The following LMX1B variants were observed in gnomAD, a reference collection of about 807,000 sequenced individuals.
LMX1B encodes LIM homeobox transcription factor 1-beta.
A neutral mutation model predicts 51.4 loss-of-function variants in LMX1B; 12 were observed. The ratio of observed to expected loss-of-function variants is 0.23; its 90% CI spans 0.15 to 0.38. The LOEUF is 0.38. Among genes scored for constraint, LMX1B ranks in the 10% least tolerant of loss-of-function variants. The pLI, the probability that LMX1B is intolerant of heterozygous loss-of-function variation, is 1.00. For missense variants in LMX1B, 445 were observed against 571.1 expected (o/e 0.78, Z 2.25); for synonymous variants, 237 against 235.4 (o/e 1.01, Z -0.06).
chr9:126,624,301 G>A (rs1835478181), intron 2 of LMX1B, among the ~76,000 whole-genome samples: 1 of 152,196 alleles, frequency 6.6e-6, no homozygotes, highest in Non-Finnish European at 1.5e-5. Context: ...AAGAGCCAGT[G>A]ATTCTCCTTG....
intron 2 of LMX1B, among the ~76,000 whole-genome samples, chr9:126,619,264 C>T (rs1165144399): frequency 6.6e-6 from 1 of 152,216 alleles, no homozygotes; most frequent in Non-Finnish European, 1.5e-5. Flanking sequence ...GAAAGACCTT[C>T]TTGGGAGGCT....
intron 2 of LMX1B, among the ~76,000 whole-genome samples, chr9:126,687,922 C>T (rs1334074185): frequency 2.0e-5 from 3 of 152,028 alleles, no homozygotes; most frequent in Non-Finnish European, 4.4e-5. Flanking sequence ...CCGCTGGTAT[C>T]CCCAACCCCT....
At chr9:126,686,137 G>A (rs926865985) in intron 2 of LMX1B, among the ~76,000 whole-genome samples, 21 of 152,054 alleles carry the variant, frequency 1.4e-4, no homozygotes, top group Admixed American at 1.3e-3. Context: ...AAAATTAGCC[G>A]GGCGTGGTGG....
intron 2 of LMX1B, among the ~76,000 whole-genome samples, chr9:126,645,063 C>T (rs750233150): frequency 1.1e-4 from 16 of 152,212 alleles, no homozygotes; most frequent in African/African-American, 2.9e-4. Flanking sequence ...CGTCCTGCCA[C>T]GCTGTGTTGT....
intron 2 of LMX1B, among the ~76,000 whole-genome samples, chr9:126,668,488 C>G (rs1231122620): frequency 8.0e-6 from 1 of 125,328 alleles, no homozygotes; most frequent in Admixed American, 7.5e-5. Flanking sequence ...GAGTCTCGCT[C>G]TGTCGCCCAG....
intron 2 of LMX1B, among the ~76,000 whole-genome samples, chr9:126,681,371 G>A (rs78034220): frequency 2.6e-5 from 4 of 152,194 alleles, no homozygotes; most frequent in African/African-American, 7.2e-5. Flanking sequence ...CCCCACAGAC[G>A]CCATGTCCTC....
intron 2 of LMX1B, among the ~76,000 whole-genome samples, chr9:126,679,522 G>A (rs1272249513): frequency 6.6e-6 from 1 of 152,062 alleles, no homozygotes; most frequent in Non-Finnish European, 1.5e-5. Context: ...GGGGACAGGT[G>A]GATAGATGGG....
At chr9:126,653,370 G>A (rs1327970750) in intron 2 of LMX1B, among the ~76,000 whole-genome samples, 3 of 151,798 alleles carry the variant, frequency 2.0e-5, no homozygotes, top group African/African-American at 7.3e-5. Flanking sequence ...TGCTCAACCT[G>A]GTCTCCAACT....
At chr9:126,617,317 C>T (rs993230957) in intron 2 of LMX1B, among the ~76,000 whole-genome samples, 2 of 151,880 alleles carry the variant, frequency 1.3e-5, no homozygotes, top group Non-Finnish European at 2.9e-5. Context: ...CAGCCACCAG[C>T]CTTTACGACA....
chr9:126,673,901 T>C lies in LMX1B; in HGVS notation c.327-16935T>C, dbSNP rs1204359323. Among the ~76,000 whole-genome samples, 1 of 152,172 alleles carries C rather than the reference T, an allele frequency of 6.6e-6. No homozygotes were observed. The highest frequency in any genetic ancestry group is 1.5e-5 in the Non-Finnish European group (1 of 68,028). On this transcript the variant is annotated intron_variant, in intron 2 of 7. Transcript: ENST00000373474. This position sits in a 1 kb window ranked among gnomAD's most constrained non-coding sequence, Gnocchi z 4.4. ...AGTAAACAGCCGCTGCCCTGTCCTC[T>C]CTGCGGCCGTGGCCAGGTACACAGG... is the stretch of plus-strand genomic sequence containing the variant.
chr9:126,654,977 C>T (rs1315608461), intron 2 of LMX1B, among the ~76,000 whole-genome samples: 1 of 152,248 alleles, frequency 6.6e-6, no homozygotes, highest in African/African-American at 2.4e-5. Flanking sequence ...CCATCCCCCA[C>T]AGCTGTGACA....
At chr9:126,651,911 A>G (rs1836017140) in intron 2 of LMX1B, among the ~76,000 whole-genome samples, 1 of 152,096 alleles carries the variant, frequency 6.6e-6, no homozygotes, top group Non-Finnish European at 1.5e-5. Flanking sequence ...GGATCCCACA[A>G]TCTAGTTTGA....
chr9:126,634,453 T>C lies in LMX1B; in HGVS notation c.326+18884T>C, dbSNP rs544505505. 3.9e-5 allele frequency among the ~76,000 whole-genome samples: 6 copies of C among 152,248 alleles called. No homozygotes were observed. The East Asian group carries it at 1.2e-3, about 30-fold the overall frequency. Reference sequence around the variant, plus strand: ...GAAGAAAACGCTCCAGGTCCTGCCCTCGGCTGCCACCATGGTGCTGAACAG... The same window carrying C: ...GAAGAAAACGCTCCAGGTCCTGCCCCCGGCTGCCACCATGGTGCTGAACAG... On this transcript the variant is annotated intron_variant, in intron 2 of 7. Coordinates refer to ENST00000373474, the MANE Select transcript of LMX1B (RefSeq NM_001174147.2).
rs2030451803 is a variant in LMX1B, at chr9:126,699,145, C to T, written c.*2694C>T. On this transcript the variant is annotated 3_prime_UTR_variant, in exon 8 of 8. Transcript: ENST00000373474. ...GGAGACCTGGCCCTTCTCTCTCAGA[C>T]CCAATAAGTTGGAAGGGACGTCAGA... 6.6e-6 allele frequency: 1 copy of T among 152,252 alleles called. No individual in the cohort carries two copies. Among genetic ancestry groups the T allele is most frequent in the South Asian group, 2.1e-4 (1 of 4,834 alleles). The allele number at this position is 152,252 out of a possible 1,614,324, so 9.4% of individuals were successfully genotyped here. A position where few individuals can be genotyped will look rare whatever the true frequency, so the allele number is the denominator to read the frequency against.
At chr9:126,656,670 G>A (rs1836122752) in intron 2 of LMX1B, among the ~76,000 whole-genome samples, 1 of 152,232 alleles carries the variant, frequency 6.6e-6, no homozygotes, top group Non-Finnish European at 1.5e-5. Flanking sequence ...CTCAGCAGGT[G>A]AGAGCTGAGT....
chr9:126,616,792 T>C (rs1835310768), intron 2 of LMX1B, among the ~76,000 whole-genome samples: 1 of 152,168 alleles, frequency 6.6e-6, no homozygotes, highest in African/African-American at 2.4e-5. Flanking sequence ...AACTGAGGCC[T>C]GGAAACAGTG....
In LMX1B at chr9:126,644,791, C is replaced by T. The variant is rs543885897; in HGVS notation, c.326+29222C>T. Reference sequence around the variant, plus strand: ...CAGGGTATGTAGTCGGGGGTTGAAGCTGATGGAAGTTCCTGGCTGCAGCTT... The same window carrying T: ...CAGGGTATGTAGTCGGGGGTTGAAGTTGATGGAAGTTCCTGGCTGCAGCTT... On this transcript the variant is annotated intron_variant, in intron 2 of 7. Transcript: ENST00000373474. 2.0e-5 allele frequency among the ~76,000 whole-genome samples: 3 copies of T among 152,298 alleles called. No individual in the cohort carries two copies. In the South Asian group the frequency reaches 6.2e-4, roughly 32 times the overall value.
chr9:126,619,335 C>A (rs1443216237), intron 2 of LMX1B, among the ~76,000 whole-genome samples: 3 of 152,174 alleles, frequency 2.0e-5, no homozygotes, highest in Non-Finnish European at 4.4e-5. Flanking sequence ...AGGGGGAGAG[C>A]AGTCAGGCTC....
At chr9:126,692,422 G>A (rs914944502) in intron 3 of LMX1B, among the ~76,000 whole-genome samples, 3 of 152,254 alleles carry the variant, frequency 2.0e-5, no homozygotes, top group Admixed American at 6.5e-5. Flanking sequence ...AACCTGGGGC[G>A]GGGAAGTGCC....
Sources: allele counts gnomAD v4.1 joint callset (sites outside exome capture counted in the v4.1 genomes callset), GRCh38; gene constraint gnomAD v4.1.1; non-coding constraint Gnocchi (gnomAD v3.1); transcripts MANE v1.5; gene names NCBI Gene and HGNC (gene_info 2026-07-23, HGNC 2026-07-21).